Variants in ITFG2 observed in about 807,000 individuals in gnomAD.
ITFG2 encodes the protein KICSTOR complex protein ITFG2.
Under a neutral mutation model 54.4 loss-of-function variants are expected in ITFG2, and 36 were observed. The observed-to-expected ratio is 0.66, with a 90% CI of 0.51 to 0.87. ITFG2 has a LOEUF of 0.87. Among genes scored for constraint, ITFG2 ranks in the 40% least tolerant of loss-of-function variants. The pLI is 0.00. For synonymous variants in ITFG2, 211 were observed against 225.4 expected (o/e 0.94, Z 0.57); for missense variants, 524 against 576.7 (o/e 0.91, Z 0.94).
intron 2 of ITFG2, among the ~76,000 whole-genome samples, chr12:2,842,760 T>C (rs2098044546): frequency 6.6e-6 from 1 of 152,150 alleles, no homozygotes; most frequent in Non-Finnish European, 1.5e-5. Context: ...ATTTTAATTA[T>C]AGATGTTGCT....
At chr12:2,818,300 G>A (rs773949675) in intron 4 of ITFG2, 23 bp downstream of exon 4, 1 of 1,609,040 alleles carries the variant, frequency 6.2e-7, no homozygotes, top group South Asian at 1.1e-5. Flanking sequence ...ACCTTTGCAG[G>A]CAGCCAGGAG....
In ITFG2 at chr12:2,856,988, AC is replaced by A. The variant is rs566033839; in HGVS notation, n.301-1023del. 173 of 703,034 alleles carry A rather than the reference AC, an allele frequency of 2.5e-4. 1 individual carries two copies. The African/African-American group carries it at 2.7e-3, about 11-fold the overall frequency. The allele number at this position is 703,034 out of a possible 1,614,324, so 43.5% of individuals were successfully genotyped here. ...AAGGTTCTTCCATATGAGATGGGTGACTGGGCCCTCTGAGTGATCTTTGCCG... is the reference window on the plus strand; with the variant it reads ...AAGGTTCTTCCATATGAGATGGGTGATGGGCCCTCTGAGTGATCTTTGCCG... On this transcript the variant is annotated intron_variant and non_coding_transcript_variant, in intron 2 of 3. Coordinates refer to the ITFG2 transcript ENST00000537710.
chr12:2,826,658 G>A (rs1019356569), downstream of ITFG2: 1 of 158,880 alleles, frequency 6.3e-6, no homozygotes, highest in African/African-American at 2.4e-5. Flanking sequence ...TTGTTGTATT[G>A]AATTCTGGCT....
chr12:2,840,618 C>T (rs1249949978), intron 1 of ITFG2, among the ~76,000 whole-genome samples: 1 of 152,062 alleles, frequency 6.6e-6, no homozygotes, highest in African/African-American at 2.4e-5. Context: ...AACCCCATCT[C>T]TACTAAAAAT....
intron 2 of ITFG2, among the ~76,000 whole-genome samples, chr12:2,847,333 A>G (rs2098055819): frequency 6.6e-6 from 1 of 152,232 alleles, no homozygotes; most frequent in Non-Finnish European, 1.5e-5. Context: ...CTTTGTCATC[A>G]TCATCCCCAA....
intron 2 of ITFG2, among the ~76,000 whole-genome samples, chr12:2,848,163 C>T (rs540086081): frequency 2.6e-5 from 4 of 152,170 alleles, no homozygotes; most frequent in Non-Finnish European, 5.9e-5. Context: ...GTCTTGATTC[C>T]CAGGTGCCTG....
intron 2 of ITFG2, among the ~76,000 whole-genome samples, chr12:2,856,139 A>G (rs565030444): frequency 1.1e-4 from 16 of 152,166 alleles, no homozygotes; most frequent in Non-Finnish European, 2.1e-4. Context: ...ATGAGCAAGT[A>G]TTGCTATCGT....
chr12:2,854,729 C>G (rs921890985), intron 2 of ITFG2, among the ~76,000 whole-genome samples: 64 of 152,128 alleles, frequency 4.2e-4, no homozygotes, highest in African/African-American at 1.5e-3. Flanking sequence ...CGCTGTTCCT[C>G]CCTTGTCTCC....
chr12:2,855,142 T>C (rs1177435109), intron 2 of ITFG2: 1 of 1,527,718 alleles, frequency 6.5e-7, no homozygotes, highest in African/African-American at 1.4e-5. Flanking sequence ...GGCATTGGAG[T>C]CGGTCAGCCA....
chr12:2,841,545 C>G (rs1170455873), intron 2 of ITFG2, among the ~76,000 whole-genome samples: 2 of 152,176 alleles, frequency 1.3e-5, no homozygotes, highest in East Asian at 3.9e-4. Context: ...TAAACTCATG[C>G]TGTCTGATAC....
chr12:2,826,396 C>A (rs535588960), downstream of ITFG2: 1 of 152,032 alleles, frequency 6.6e-6, no homozygotes, highest in East Asian at 1.9e-4. Flanking sequence ...GTGGTGACAA[C>A]CTCACTGTCC....
intron 4 of ITFG2, 77 bp downstream of exon 4, chr12:2,818,354 G>A (rs755021529): frequency 1.9e-6 from 3 of 1,586,680 alleles, no homozygotes; most frequent in Admixed American, 1.7e-5. Context: ...AGGGATTGGG[G>A]TGAGAGGGAG....
chr12:2,835,025 G>A (rs1195352746), upstream of ITFG2: 2 of 1,499,556 alleles, frequency 1.3e-6, no homozygotes, highest in East Asian at 2.3e-5. Flanking sequence ...CGAGATTGCT[G>A]TAGAGGGAGT....
At chr12:2,825,238 G>A (rs1294677784), downstream of ITFG2, 2 of 152,224 alleles carry the variant, frequency 1.3e-5, no homozygotes, top group African/African-American at 4.8e-5. Flanking sequence ...AGTCAGATGG[G>A]TCAGCCTGGG....
intron 4 of ITFG2, chr12:2,819,731 T>G (rs2097936062): frequency 5.8e-6 from 1 of 173,066 alleles, no homozygotes; most frequent in Non-Finnish European, 1.2e-5. Flanking sequence ...GTTAGGGAAA[T>G]CCTCACTGAG....
downstream of ITFG2, among the ~76,000 whole-genome samples, chr12:2,829,131 G>A (rs962780636): frequency 1.2e-4 from 18 of 152,158 alleles, no homozygotes; most frequent in Non-Finnish European, 2.4e-4. Context: ...TGATTTGTTT[G>A]TTTAGAGGAA....
At chr12:2,854,771 G>T in intron 2 of ITFG2, 2 of 998,208 alleles carry the variant, frequency 2.0e-6, no homozygotes, top group Non-Finnish European at 2.9e-6. Flanking sequence ...TCAGAAAAGA[G>T]TTTGGTTTTC....
chr12:2,834,647 C>A, upstream of ITFG2: 1 of 1,594,768 alleles, frequency 6.3e-7, no homozygotes, highest in Non-Finnish European at 8.5e-7. Context: ...CTCACCAAGT[C>A]CTTGGAGGTG....
Position 2,817,918 on chromosome 12 carries a change from G to A in ITFG2, c.202G>A (p.Val68Ile), listed in dbSNP as rs778477859. ...TCSCQGMLTCVGVGDVCNKGK... is the reference protein window; with the variant it reads ...TCSCQGMLTCIGVGDVCNKGK... ...CCTTTCTCTCTTACAGCTGACTTGC[G>A]TTGGGGTTGGAGACGTGTGTAATAA... The change falls in exon 3 of 12, where the codon GTT becomes ATT. Residue 68 changes from valine (V) to isoleucine (I), a missense_variant. By Grantham distance (29) the Val-to-Ile change is conservative (BLOSUM62 3). Transcript: ENST00000228799. 1.7e-5 allele frequency: 27 copies of A among 1,613,766 alleles called. No homozygotes were observed. Among genetic ancestry groups the A allele is most frequent in the African/African-American group, 2.7e-5 (2 of 74,902 alleles).
Sources: gnomAD v4.1 joint callset for allele counts (sites outside exome capture counted in the v4.1 genomes callset) on GRCh38, gnomAD v4.1.1 for gene constraint, MANE v1.5 for transcripts, NCBI Gene and HGNC (gene_info 2026-07-23, HGNC 2026-07-21) for gene names.